The following MRTFB variants were observed in gnomAD, a reference collection of about 807,000 sequenced individuals.
The protein encoded by MRTFB is myocardin related transcription factor B.
A neutral mutation model predicts 104.2 loss-of-function variants in MRTFB; 29 were observed. The ratio of observed to expected loss-of-function variants is 0.28; its 90% CI spans 0.21 to 0.38. The LOEUF is 0.38. Ranked by LOEUF, MRTFB falls within the 10% of genes least tolerant of loss-of-function variation. The pLI is 1.00. For synonymous variants in MRTFB, 535 were observed against 519.5 expected (o/e 1.03, Z -0.41); for missense variants, 1,270 against 1,341.6 (o/e 0.95, Z 0.83).
At chr16:14,133,203 G>A (rs1162608928) in intron 2 of MRTFB, among the ~76,000 whole-genome samples, 2 of 152,136 alleles carry the variant, frequency 1.3e-5, no homozygotes, top group East Asian at 3.8e-4. Flanking sequence ...AAAGAGACAA[G>A]AGATAGCCTT....
chr16:14,044,604 A>C, the MRTFB span, among the ~76,000 whole-genome samples: 1 of 152,190 alleles, frequency 6.6e-6, no homozygotes, highest in Non-Finnish European at 1.5e-5. Flanking sequence ...CAGCTGTGCA[A>C]AGCAAAGGTT....
the MRTFB span, among the ~76,000 whole-genome samples, chr16:14,065,511 GA>G: frequency 2.0e-5 from 3 of 152,148 alleles, no homozygotes; most frequent in Admixed American, 2.0e-4. Context: ...TAGGAGTGGT[GA>G]GAGTAGGCAT....
the MRTFB span, among the ~76,000 whole-genome samples, chr16:14,005,477 C>T: frequency 4.6e-5 from 7 of 152,318 alleles, no homozygotes; most frequent in African/African-American, 1.7e-4. Flanking sequence ...TGCATTCCAT[C>T]ATCACTAGTT....
chr16:14,185,627 G>A (rs968768353), intron 3 of MRTFB, among the ~76,000 whole-genome samples: 2 of 150,990 alleles, frequency 1.3e-5, no homozygotes, highest in African/African-American at 4.9e-5. Flanking sequence ...TGCTACAGAT[G>A]TTTATTGAGA....
At chr16:14,111,342 T>A (rs2036256543) in intron 2 of MRTFB, among the ~76,000 whole-genome samples, 1 of 152,104 alleles carries the variant, frequency 6.6e-6, no homozygotes, top group African/African-American at 2.4e-5. Flanking sequence ...CTTGCTCACA[T>A]CAAGTGGCCT....
At chr16:14,003,484 T>C in the MRTFB span, among the ~76,000 whole-genome samples, 671 of 152,222 alleles carry the variant, frequency 4.4e-3, 16 homozygotes, top group East Asian at 0.062. Context: ...AGTTTGCTGC[T>C]CCCAGAGCCA....
At chr16:14,160,982 G>T (rs2039010198) in intron 3 of MRTFB, among the ~76,000 whole-genome samples, 1 of 151,352 alleles carries the variant, frequency 6.6e-6, no homozygotes, top group Non-Finnish European at 1.5e-5. Flanking sequence ...TCCTTTTAGT[G>T]AGGAATAATA....
intron 2 of MRTFB, among the ~76,000 whole-genome samples, chr16:14,130,324 A>AT (rs1468098192): frequency 6.6e-6 from 1 of 152,048 alleles, no homozygotes; most frequent in Non-Finnish European, 1.5e-5. Context: ...CCTTTTGTCA[A>AT]TTTCTAGAGT....
chr16:14,243,242 T>G (rs1444517857), intron 10 of MRTFB, among the ~76,000 whole-genome samples: 1 of 152,216 alleles, frequency 6.6e-6, no homozygotes, highest in Non-Finnish European at 1.5e-5. Context: ...AGATTTCAAT[T>G]ATTTAACTTC....
At chr16:14,111,674 G>A (rs2036273356) in intron 2 of MRTFB, among the ~76,000 whole-genome samples, 1 of 152,152 alleles carries the variant, frequency 6.6e-6, no homozygotes, top group South Asian at 2.1e-4. Flanking sequence ...TATATGAAGA[G>A]GCAAACAAGA....
At chr16:14,072,724 C>T (rs2033788891) in intron 1 of MRTFB, among the ~76,000 whole-genome samples, 2 of 152,142 alleles carry the variant, frequency 1.3e-5, no homozygotes, top group South Asian at 4.1e-4. Context: ...TTGGGAAAAA[C>T]ACCTAGGTTG....
chr16:14,192,780 G>A (rs2040244639), intron 3 of MRTFB, among the ~76,000 whole-genome samples: 1 of 152,178 alleles, frequency 6.6e-6, no homozygotes, highest in African/African-American at 2.4e-5. Flanking sequence ...CCTCCCTGAT[G>A]TTTCCAATGG....
At position 14,260,944 on chromosome 16, in the gene MRTFB, A is replaced by G. The variant is rs144476910; in HGVS notation, c.2800A>G (p.Ile934Val). 46 of 1,612,156 alleles carry G rather than the reference A, an allele frequency of 2.9e-5. No homozygotes were observed. The highest frequency in any genetic ancestry group is 3.4e-5 in the Non-Finnish European group (40 of 1,178,676). ...SLPIKEEPSPISKMRPVTASI... is the reference protein window; with the variant it reads ...SLPIKEEPSPVSKMRPVTASI... ...CCCCATAAAAGAAGAACCTTCTCCT[A>G]TTTCCAAAATGAGACCAGTGACAGC... The change falls in exon 17 of 17, where the codon ATT becomes GTT. Residue 934 changes from isoleucine (I) to valine (V), a missense_variant. Around this residue, in one of 3 missense-constraint regions of MRTFB, gnomAD observed 1,144 missense variants for 1,131.5 expected, o/e 1.01. Coordinates refer to ENST00000571589, the MANE Select transcript of MRTFB (RefSeq NM_001308142.2).
chr16:14,217,461 A>G (rs1481132851), intron 7 of MRTFB, among the ~76,000 whole-genome samples, 174 bp downstream of exon 7: 2 of 152,232 alleles, frequency 1.3e-5, no homozygotes, highest in Non-Finnish European at 2.9e-5. Context: ...TAAGTCTAGT[A>G]TCTGCCGCTG....
chr16:14,266,289 TAC>T lies in MRTFB; in HGVS notation c.*4847_*4848del, dbSNP rs1458292177. 1 of 152,228 alleles carries T rather than the reference TAC, an allele frequency of 6.6e-6. No homozygotes were observed. Among genetic ancestry groups the T allele is most frequent in the Non-Finnish European group, 1.5e-5 (1 of 68,038 alleles). The allele number at this position is 152,228 out of a possible 1,614,324, so 9.4% of individuals were successfully genotyped here. A position where few individuals can be genotyped will look rare whatever the true frequency, so the allele number is the denominator to read the frequency against. On this transcript the variant is annotated 3_prime_UTR_variant, in exon 17 of 17. Transcript: ENST00000571589. ...GTTTAAGAGTAACATTCAGTAGTAA[TAC>T]AAAGTTTTTTTTCTATGTAGAAATT...
At chr16:14,133,075 G>A (rs898439576) in intron 2 of MRTFB, among the ~76,000 whole-genome samples, 6 of 152,184 alleles carry the variant, frequency 3.9e-5, no homozygotes, top group African/African-American at 1.4e-4. Context: ...GGGTTAAATT[G>A]TAAAATATAG....
intron 8 of MRTFB, among the ~76,000 whole-genome samples, chr16:14,229,317 T>G (rs1311207945): frequency 7.2e-6 from 1 of 139,484 alleles, no homozygotes; most frequent in Non-Finnish European, 1.5e-5. Context: ...CTATTAAATA[T>G]GCAATGCGTG....
chr16:14,033,719 C>G, the MRTFB span, among the ~76,000 whole-genome samples: 1 of 151,740 alleles, frequency 6.6e-6, no homozygotes, highest in East Asian at 1.9e-4. Flanking sequence ...CACCTGTAAT[C>G]CCAGTTACTT....
chr16:14,002,332 G>A, the MRTFB span, among the ~76,000 whole-genome samples: 6 of 151,918 alleles, frequency 3.9e-5, no homozygotes, highest in Admixed American at 6.6e-5. Context: ...GCAGTGAGCC[G>A]AGATGATGCC....
Sources: allele counts gnomAD v4.1 joint callset (sites outside exome capture counted in the v4.1 genomes callset), GRCh38; gene constraint gnomAD v4.1.1; regional missense constraint gnomAD v4.1.1; transcripts MANE v1.5; gene names NCBI Gene and HGNC (gene_info 2026-07-23, HGNC 2026-07-21).